Variants in ZNF738 observed in about 807,000 individuals in gnomAD.
ZNF738 encodes zinc finger protein 738, also known as protein ZNF738.
Under a neutral mutation model 9.2 loss-of-function variants are expected in ZNF738, and 10 were observed. The ratio of observed to expected loss-of-function variants is 1.09; its 90% CI spans 0.67 to 1.85. The LOEUF (loss-of-function observed/expected upper bound fraction) is 1.85. Among genes scored for constraint, ZNF738 ranks in the 40% most tolerant of loss-of-function variants. The probability of loss-of-function intolerance (pLI) is 0.00; values close to 1 mark genes in which losing one functional copy is unlikely to be tolerated. For missense variants in ZNF738, 346 were observed against 283.6 expected, an observed-to-expected ratio of 1.22 and a Z score of -1.58; for synonymous variants, 113 against 94.5, an observed-to-expected ratio of 1.20 and a Z score of -1.14.
At chr19:21,362,489 G>A (rs1388649517) in intron 2 of ZNF738, among the ~76,000 whole-genome samples, 1 of 152,150 alleles carries the variant, frequency 6.6e-6, no homozygotes, top group African/African-American at 2.4e-5. Context: ...GCAGGAGTGG[G>A]TGGAAGGATC....
In ZNF738 at chr19:21,383,251, A is replaced by G; in HGVS notation, c.705A>G (p.Glu235=). ...IHIRENSYQC[E]ECGKAFKWFS... is the part of the protein sequence containing the mutation. ...TTAGAGAGAATTCTTACCAATGTGA[A>G]GAATGTGGCAAAGCCTTTAAATGGT... is the stretch of plus-strand genomic sequence containing the variant. The change falls in exon 5 of 5, where the codon GAA becomes GAG. Residue 235 remains glutamate, a synonymous_variant. Transcript: ENST00000683779. 8 of 1,592,168 alleles carry G rather than the reference A, an allele frequency of 5.0e-6. No homozygotes were observed. Among genetic ancestry groups the G allele is most frequent in the Non-Finnish European group, 6.9e-6 (8 of 1,162,174 alleles).
intron 1 of ZNF738, 62 bp downstream of exon 1, chr19:21,359,205 T>A (rs1568364896): frequency 3.9e-6 from 4 of 1,019,858 alleles, no homozygotes; most frequent in Non-Finnish European, 6.3e-6. Flanking sequence ...CGGTGGGAAG[T>A]GGCTGTGGCG....
At chr19:21,370,096 G>A (rs1426523950) in intron 2 of ZNF738, among the ~76,000 whole-genome samples, 1 of 152,190 alleles carries the variant, frequency 6.6e-6, no homozygotes, top group African/African-American at 2.4e-5. Context: ...ACAGGTGTGA[G>A]CCACCATGCC....
chr19:21,362,250 G>A (rs934475272), intron 2 of ZNF738, among the ~76,000 whole-genome samples: 2 of 152,084 alleles, frequency 1.3e-5, no homozygotes, highest in Non-Finnish European at 2.9e-5. Context: ...CCTGGATTCT[G>A]TAAGGGAGCA....
At position 21,384,173 on chromosome 19, in the gene ZNF738, G is replaced by T; in HGVS notation, c.*499G>T. On this transcript the variant is annotated 3_prime_UTR_variant, in exon 5 of 5. Coordinates refer to ENST00000683779, the MANE Select transcript of ZNF738 (RefSeq NM_001355237.2). Reference sequence around the variant, plus strand: ...CTGTAGAGAAACGCTACAAATGTGAGGAATGTGGCAAAGCTTTTAACTGGT... The same window carrying T: ...CTGTAGAGAAACGCTACAAATGTGATGAATGTGGCAAAGCTTTTAACTGGT... The T allele has an allele frequency of 7.2e-7, 1 of 1,388,096 alleles. No homozygotes were observed. The allele number at this position is 1,388,096 out of a possible 1,614,324, so 86.0% of individuals were successfully genotyped here.
rs2145233203 is a variant in ZNF738, at chr19:21,375,229, G to GTT, written c.97-5_97-4dup. On this transcript the variant is annotated splice_polypyrimidine_tract_variant and intron_variant, in intron 2 of 4. Transcript: ENST00000683779. Reference sequence around the variant, plus strand: ...CTTGTAAATATGTGTGTGTGTGTGTGTTTTTCAGGGGCCGTTGACATTTAG... The same window carrying GTT: ...CTTGTAAATATGTGTGTGTGTGTGTGTTTTTTTCAGGGGCCGTTGACATTTAG... The GTT allele has an allele frequency of 7.3e-6, 8 of 1,103,198 alleles. No individual in the cohort carries two copies. The highest frequency in any genetic ancestry group is 2.4e-5 in the East Asian group (1 of 40,932). 68.3% of individuals were successfully genotyped at this position (1,103,198 alleles called of 1,614,324 possible). A position where few individuals can be genotyped will look rare whatever the true frequency, so the allele number is the denominator to read the frequency against.
intron 2 of ZNF738, among the ~76,000 whole-genome samples, chr19:21,367,528 T>C (rs57055133): frequency 0.19 from 29,365 of 152,122 alleles, 3,104 homozygotes; most frequent in Non-Finnish European, 0.24. Context: ...AATTGCTTGA[T>C]GTTCAGCAAA....
intron 2 of ZNF738, among the ~76,000 whole-genome samples, chr19:21,364,017 T>C (rs1973739206): frequency 6.6e-6 from 1 of 151,160 alleles, no homozygotes; most frequent in Admixed American, 6.6e-5. Context: ...ACCAATATGG[T>C]GAAACCCCGT....
At chr19:21,370,122 C>T (rs2145226733) in intron 2 of ZNF738, among the ~76,000 whole-genome samples, 1 of 152,244 alleles carries the variant, frequency 6.6e-6, no homozygotes, top group East Asian at 1.9e-4. Context: ...TGGTTGAAAG[C>T]TTTTTAAACA....
At chr19:21,378,702 C>A in intron 4 of ZNF738, 1 of 372,250 alleles carries the variant, frequency 2.7e-6, no homozygotes, top group South Asian at 1.9e-5. Context: ...CAGGTTCAAG[C>A]AGTTCTCCTA....
At chr19:21,359,222 A>G in intron 1 of ZNF738, 79 bp downstream of exon 1, 1 of 923,724 alleles carries the variant, frequency 1.1e-6, no homozygotes, top group Non-Finnish European at 1.8e-6. Flanking sequence ...GGCGAGACTC[A>G]GGCCTCCCCG....
At chr19:21,360,915 C>T (rs758633528) in intron 1 of ZNF738, among the ~76,000 whole-genome samples, 1 of 151,638 alleles carries the variant, frequency 6.6e-6, no homozygotes, top group Non-Finnish European at 1.5e-5. Flanking sequence ...TCCGGGTTCA[C>T]GAGGTTCTCA....
rs1974092881 is a variant in ZNF738, at chr19:21,388,403, T to A, written c.*4729T>A. Among the ~76,000 whole-genome samples the A allele has an allele frequency of 6.6e-6, 1 of 152,200 alleles. No individual in the cohort carries two copies. The highest frequency in any genetic ancestry group is 2.4e-5 in the African/African-American group (1 of 41,472). On this transcript the variant is annotated 3_prime_UTR_variant, in exon 5 of 5. Coordinates refer to ENST00000683779, the MANE Select transcript of ZNF738 (RefSeq NM_001355237.2). ...CAAGTAAGGACATTAGAATGTAAGA[T>A]GCATGATGAAAAAGTGGAGAGGTTC...
intron 4 of ZNF738, chr19:21,381,447 T>A: frequency 6.9e-7 from 1 of 1,439,934 alleles, no homozygotes; most frequent in Middle Eastern, 2.5e-4. Flanking sequence ...TTACAGACCC[T>A]GGTTTGGACA....
rs1159993497 is a variant in ZNF738 at position 21,387,604 on chromosome 19, TATACAA to T, written c.*3936_*3941del. Among the ~76,000 whole-genome samples the T allele has an allele frequency of 1.3e-5, 2 of 152,192 alleles. No individual in the cohort carries two copies. The highest frequency in any genetic ancestry group is 1.9e-4 in the East Asian group (1 of 5,190). ...AAAAGCATTTATGTTTGAGAAAAATTATACAAATACAGACTGTGAAAAAGACATTAA... is the reference window on the plus strand; with the variant it reads ...AAAAGCATTTATGTTTGAGAAAAATTATACAGACTGTGAAAAAGACATTAA... On this transcript the variant is annotated 3_prime_UTR_variant, in exon 5 of 5. Transcript: ENST00000683779.
At chr19:21,367,171 CT>C (rs1211806562) in intron 2 of ZNF738, among the ~76,000 whole-genome samples, 1 of 152,160 alleles carries the variant, frequency 6.6e-6, no homozygotes, top group Admixed American at 6.5e-5. Flanking sequence ...TTAATCACAG[CT>C]ATTTACTAGG....
intron 4 of ZNF738, chr19:21,377,535 A>ACAC (rs527716639): frequency 2.1e-5 from 10 of 468,436 alleles, no homozygotes; most frequent in Admixed American, 3.7e-5. Flanking sequence ...CACACACACA[A>ACAC]AATTTGTCAT....
intron 1 of ZNF738, among the ~76,000 whole-genome samples, chr19:21,361,511 C>T (rs890486158): frequency 6.6e-6 from 1 of 152,068 alleles, no homozygotes; most frequent in African/African-American, 2.4e-5. Flanking sequence ...AATAATAATC[C>T]CCTGACACTG....
intron 2 of ZNF738, among the ~76,000 whole-genome samples, chr19:21,362,838 G>A (rs1973718362): frequency 6.6e-6 from 1 of 152,086 alleles, no homozygotes; most frequent in Non-Finnish European, 1.5e-5. Flanking sequence ...TTAGCTTTCA[G>A]AATGCTACCA....
Sources: allele counts gnomAD v4.1 joint callset (sites outside exome capture counted in the v4.1 genomes callset), GRCh38; gene constraint gnomAD v4.1.1; transcripts MANE v1.5; gene names NCBI Gene and HGNC (gene_info 2026-07-23, HGNC 2026-07-21).